The following PRKG1 variants were observed in gnomAD, a reference collection of about 807,000 sequenced individuals.
PRKG1 encodes the protein cGMP-dependent protein kinase 1.
Under a neutral mutation model 88.1 loss-of-function variants are expected in PRKG1, and 35 were observed. That is an observed-to-expected ratio of 0.40 (90% CI 0.30 to 0.53). The LOEUF (loss-of-function observed/expected upper bound fraction) is 0.53. Ranked by LOEUF, PRKG1 falls within the 20% of genes least tolerant of loss-of-function variation. The pLI is 0.59. For synonymous variants in PRKG1, 303 were observed against 292.5 expected (o/e 1.04, Z -0.37); for missense variants, 540 against 839.8 (o/e 0.64, Z 4.41).
At chr10:51,044,280 T>C (rs1368500377) in intron 1 of PRKG1, among the ~76,000 whole-genome samples, 1 of 152,174 alleles carries the variant, frequency 6.6e-6, no homozygotes. Context: ...CTGGGTCTTG[T>C]GAAGGCCATG....
Position 51,131,517 on chromosome 10 carries a change from TG to T in PRKG1, c.312-21644del, listed in dbSNP as rs1845566466. Among the ~76,000 whole-genome samples, 2 of 152,168 alleles carry T rather than the reference TG, an allele frequency of 1.3e-5. 1 individual carries two copies. The highest frequency in any genetic ancestry group is 1.3e-4 in the Admixed American group (2 of 15,270). ...ATCCCTGCACTTTGGGAAGCAGAGG[TG>T]GGCGGATCACCTGAGGCCAGGAGTT... On this transcript the variant is annotated intron_variant, in intron 1 of 17. Transcript: ENST00000373980.
At chr10:52,267,558 C>T (rs1841608223) in intron 10 of PRKG1, among the ~76,000 whole-genome samples, 1 of 151,984 alleles carries the variant, frequency 6.6e-6, no homozygotes, top group Non-Finnish European at 1.5e-5. Context: ...CTAAAAATCT[C>T]CCTAAGGAAA....
chr10:51,483,187 A>G (rs1056148194), intron 3 of PRKG1, among the ~76,000 whole-genome samples: 5 of 151,798 alleles, frequency 3.3e-5, no homozygotes, highest in Non-Finnish European at 7.4e-5. Flanking sequence ...CGACTGGCTA[A>G]TTTTTTGTAT....
intron 3 of PRKG1, among the ~76,000 whole-genome samples, chr10:51,559,478 T>G (rs1369569740): frequency 6.6e-6 from 1 of 152,132 alleles, no homozygotes; most frequent in Non-Finnish European, 1.5e-5. Context: ...TTGCAGAGTC[T>G]CTTTGCCTAA....
intron 2 of PRKG1, among the ~76,000 whole-genome samples, chr10:51,432,226 A>C (rs889792853): frequency 6.6e-6 from 1 of 152,184 alleles, no homozygotes; most frequent in African/African-American, 2.4e-5. Context: ...TGCTCAGACT[A>C]ATGTGAGACT....
rs901961594 is a variant in PRKG1 at position 51,017,719 on chromosome 10, T to C, written c.266+26075T>C. On this transcript the variant is annotated intron_variant, in intron 1 of 17. Coordinates refer to the PRKG1 transcript ENST00000401604. ...ACATTGGGATAGGTGTCATTTTAAA[T>C]CATCATTTTTATATCTTCAGGTAAA... 2.0e-5 allele frequency among the ~76,000 whole-genome samples: 3 copies of C among 152,216 alleles called. No individual in the cohort carries two copies. In the East Asian group the frequency reaches 5.8e-4, roughly 29 times the overall value.
At chr10:52,045,288 A>T (rs1845836347) in intron 5 of PRKG1, among the ~76,000 whole-genome samples, 1 of 151,936 alleles carries the variant, frequency 6.6e-6, no homozygotes, top group South Asian at 2.1e-4. Context: ...TTTATAGAGC[A>T]ACCTAAGGGC....
chr10:51,381,256 TAAAAAAAAAAAAAAAAAAAAAAAAAA>T (rs71029366), intron 2 of PRKG1, among the ~76,000 whole-genome samples: 2,209 of 32,110 alleles, frequency 0.069, 59 homozygotes, highest in Non-Finnish European at 0.11. Context: ...GCCTCCATCT[TAAAAAAAAAAAAAAAAAAAAAAAAAA>T]AAAAAAAAAA....
chr10:51,952,875 C>T (rs752751411), intron 5 of PRKG1, among the ~76,000 whole-genome samples: 3 of 152,124 alleles, frequency 2.0e-5, no homozygotes, highest in Admixed American at 6.5e-5. Context: ...CAGTATTTAT[C>T]TTAACCATTC....
At chr10:52,278,075 G>T (rs1006750703) in intron 12 of PRKG1, among the ~76,000 whole-genome samples, 6 of 151,954 alleles carry the variant, frequency 3.9e-5, no homozygotes, top group African/African-American at 1.5e-4. Flanking sequence ...CTGACAAAGG[G>T]CTAATATCCA....
chr10:51,795,976 A>G (rs189352668), intron 3 of PRKG1, among the ~76,000 whole-genome samples: 26 of 152,242 alleles, frequency 1.7e-4, no homozygotes, highest in Non-Finnish European at 3.2e-4. Context: ...AATTTCAACT[A>G]ATGTTCTACT....
chr10:51,921,881 G>A (rs1842470585), intron 5 of PRKG1, among the ~76,000 whole-genome samples: 2 of 151,926 alleles, frequency 1.3e-5, no homozygotes, highest in Non-Finnish European at 2.9e-5. Flanking sequence ...TTTCTTTCTT[G>A]TAATGTCTTT....
intron 4 of PRKG1, among the ~76,000 whole-genome samples, chr10:51,809,555 G>T (rs1839397920): frequency 6.6e-6 from 1 of 152,080 alleles, no homozygotes; most frequent in Admixed American, 6.6e-5. Context: ...GTGACCATTG[G>T]GGTTTACTTG....
chr10:51,345,063 TTAG>T (rs1426577596), intron 2 of PRKG1, among the ~76,000 whole-genome samples: 1 of 152,110 alleles, frequency 6.6e-6, no homozygotes, highest in Non-Finnish European at 1.5e-5. Context: ...ACAATAATAA[TTAG>T]TAGTTCTTGG....
intron 5 of PRKG1, among the ~76,000 whole-genome samples, chr10:52,045,662 A>G (rs1845846525): frequency 6.6e-6 from 1 of 152,092 alleles, no homozygotes; most frequent in East Asian, 1.9e-4. Context: ...ACAGTGATGG[A>G]CAGGCTCTCT....
chr10:51,828,573 G>A, intron 4 of PRKG1, among the ~76,000 whole-genome samples: 1 of 152,132 alleles, frequency 6.6e-6, no homozygotes, highest in East Asian at 1.9e-4. Flanking sequence ...CTGATATTCT[G>A]TGGCTCTTGG....
At chr10:50,993,907 T>C (rs1262125624) in intron 1 of PRKG1, among the ~76,000 whole-genome samples, 2 of 152,248 alleles carry the variant, frequency 1.3e-5, no homozygotes, top group Non-Finnish European at 2.9e-5. Flanking sequence ...TGTCCTTCTC[T>C]CTTCCCCTCC....
chr10:51,403,360 AAAAG>A lies in PRKG1; in HGVS notation c.479-64358_479-64355del, dbSNP rs552035599. On this transcript the variant is annotated intron_variant, in intron 2 of 17. Coordinates refer to ENST00000373980, the MANE Select transcript of PRKG1 (RefSeq NM_006258.4). ...TGCATTTGATTAGATTTCTTTAAAG[AAAAG>A]AAAGTTGATTAGATTTCTTTGAAGA... is the stretch of plus-strand genomic sequence containing the variant. Among the ~76,000 whole-genome samples the A allele has an allele frequency of 2.3e-3, 354 of 152,334 alleles. 3 individuals are homozygous for A. Among genetic ancestry groups the A allele is most frequent in the Non-Finnish European group, 3.6e-3 (247 of 68,014 alleles).
chr10:51,437,398 A>G (rs7899645), intron 2 of PRKG1, among the ~76,000 whole-genome samples: 1,661 of 152,092 alleles, frequency 0.011, 29 homozygotes, highest in African/African-American at 0.038. Flanking sequence ...CTATACAAAT[A>G]TATTAAATTT....
Sources: gnomAD v4.1 joint callset for allele counts (sites outside exome capture counted in the v4.1 genomes callset) on GRCh38, gnomAD v4.1.1 for gene constraint, MANE v1.5 for transcripts, NCBI Gene and HGNC (gene_info 2026-07-23, HGNC 2026-07-21) for gene names.